Variants in KCNIP4 observed in about 807,000 individuals in gnomAD.
KCNIP4 encodes the protein potassium voltage-gated channel interacting protein 4.
KCNIP4 carries 12 observed loss-of-function variants against 34.0 expected under a neutral mutation model. That is an observed-to-expected ratio of 0.35 (90% confidence interval 0.23 to 0.57). The LOEUF (loss-of-function observed/expected upper bound fraction) is 0.57, where lower values mean the gene tolerates loss of function less well. Ranked by LOEUF, KCNIP4 falls within the 20% of genes least tolerant of loss-of-function variation. The pLI, the probability that KCNIP4 is intolerant of heterozygous loss-of-function variation, is 0.83. For synonymous variants in KCNIP4, 124 were observed against 102.2 expected, an observed-to-expected ratio of 1.21 and a Z score of -1.29; for missense variants, 238 against 311.7, an observed-to-expected ratio of 0.76 and a Z score of 1.78.
chr4:21,457,269 G>A (rs931152031), intron 1 of KCNIP4, among the ~76,000 whole-genome samples: 3 of 151,996 alleles, frequency 2.0e-5, no homozygotes, highest in Admixed American at 1.3e-4. Flanking sequence ...CAGAGCTCTG[G>A]GCTGTATTCC....
At chr4:21,830,446 G>A (rs1351394826) in intron 1 of KCNIP4, among the ~76,000 whole-genome samples, 8 of 152,044 alleles carry the variant, frequency 5.3e-5, no homozygotes, top group South Asian at 2.1e-4. Context: ...AGGCCGAGGC[G>A]GGCTGGATCA....
At chr4:21,252,129 G>GTTT (rs61183224) in intron 1 of KCNIP4, among the ~76,000 whole-genome samples, 6 of 112,880 alleles carry the variant, frequency 5.3e-5, no homozygotes, top group East Asian at 2.3e-4. Context: ...ATGAGGTTTT[G>GTTT]TTTTTTTTTT....
chr4:20,892,969 C>G (rs775137685), intron 1 of KCNIP4, among the ~76,000 whole-genome samples: 15 of 152,174 alleles, frequency 9.9e-5, no homozygotes, highest in Non-Finnish European at 2.1e-4. Context: ...TGGAAATTAT[C>G]TGGAGTTCCT....
chr4:21,467,073 A>AACACACACAC lies in KCNIP4; in HGVS notation c.61+481488_61+481497dup, dbSNP rs33937973. Among the ~76,000 whole-genome samples the AACACACACAC allele has an allele frequency of 5.1e-3, 714 of 139,750 alleles. 5 individuals carry two copies. Among genetic ancestry groups the AACACACACAC allele is most frequent in the East Asian group, 0.014 (66 of 4,770 alleles). The allele number at this position is 139,750 out of a possible 152,430, so 91.7% of individuals were successfully genotyped here. A position where few individuals can be genotyped will look rare whatever the true frequency, so the allele number is the denominator to read the frequency against. Reference sequence around the variant, plus strand: ...AACCAAACCAAACCAAACCAAAACAAACACACACACACACACACACACACA... The same window carrying AACACACACAC: ...AACCAAACCAAACCAAACCAAAACAAACACACACACACACACACACACACACACACACACA... On this transcript the variant is annotated intron_variant, in intron 1 of 8. Coordinates refer to ENST00000382152, the MANE Select transcript of KCNIP4 (RefSeq NM_025221.6).
chr4:21,217,013 C>T (rs978422493), intron 1 of KCNIP4, among the ~76,000 whole-genome samples: 2 of 152,166 alleles, frequency 1.3e-5, no homozygotes, highest in Non-Finnish European at 2.9e-5. Flanking sequence ...TCAATATTCA[C>T]TGAATGACTA....
intron 1 of KCNIP4, among the ~76,000 whole-genome samples, chr4:21,001,926 A>G (rs1024028246): frequency 1.4e-4 from 21 of 145,858 alleles, no homozygotes; most frequent in Admixed American, 9.2e-4. Context: ...TTCTTCAGAA[A>G]TAACTTTAGG....
At chr4:20,787,874 T>C (rs188202206) in intron 3 of KCNIP4, among the ~76,000 whole-genome samples, 1 of 152,172 alleles carries the variant, frequency 6.6e-6, no homozygotes, top group Admixed American at 6.5e-5. Flanking sequence ...TTTATAACTG[T>C]CTGAGTGTCC....
At chr4:21,689,326 T>A (rs1199563557) in intron 1 of KCNIP4, among the ~76,000 whole-genome samples, 1 of 152,180 alleles carries the variant, frequency 6.6e-6, no homozygotes, top group Non-Finnish European at 1.5e-5. Context: ...TAATAGAACA[T>A]CCTATAGATA....
At chr4:20,832,469 C>G (rs759611148) in intron 3 of KCNIP4, among the ~76,000 whole-genome samples, 7 of 152,242 alleles carry the variant, frequency 4.6e-5, no homozygotes, top group Admixed American at 1.3e-4. Context: ...CAGCAATTCC[C>G]TTGGCCTAAT....
intron 1 of KCNIP4, among the ~76,000 whole-genome samples, chr4:20,967,073 A>T (rs1034174483): frequency 2.6e-5 from 4 of 152,150 alleles, no homozygotes; most frequent in Non-Finnish European, 4.4e-5. Context: ...TTCTACAACT[A>T]AGTTCTAGTA....
chr4:21,690,692 C>T (rs1414701280), intron 1 of KCNIP4, among the ~76,000 whole-genome samples: 1 of 152,160 alleles, frequency 6.6e-6, no homozygotes, highest in Non-Finnish European at 1.5e-5. Flanking sequence ...CTCAGGTATT[C>T]CTTTACAGCA....
intron 1 of KCNIP4, among the ~76,000 whole-genome samples, chr4:21,791,051 G>A (rs1720252123): frequency 6.8e-6 from 1 of 146,120 alleles, no homozygotes; most frequent in Admixed American, 7.0e-5. Context: ...TGGTATCTTA[G>A]TTTAAGGGGC....
chr4:21,641,892 C>T (rs1324572331), intron 1 of KCNIP4, among the ~76,000 whole-genome samples: 2 of 152,184 alleles, frequency 1.3e-5, no homozygotes, highest in Non-Finnish European at 2.9e-5. Context: ...AAGACCAACA[C>T]TGAGTTCTCA....
intron 1 of KCNIP4, among the ~76,000 whole-genome samples, chr4:21,325,837 T>C (rs1171500388): frequency 2.6e-5 from 4 of 151,966 alleles, no homozygotes. Flanking sequence ...AATTTCCTTC[T>C]TAATTTCTTT....
At chr4:21,125,042 C>T (rs1750493861) in intron 1 of KCNIP4, among the ~76,000 whole-genome samples, 2 of 151,040 alleles carry the variant, frequency 1.3e-5, no homozygotes, top group African/African-American at 4.9e-5. Flanking sequence ...AATGATGCCT[C>T]TGCCCCTACC....
chr4:21,556,306 A>T (rs1297319417), intron 1 of KCNIP4, among the ~76,000 whole-genome samples: 1 of 152,122 alleles, frequency 6.6e-6, no homozygotes, highest in Non-Finnish European at 1.5e-5. Context: ...TAGGTACATG[A>T]TTCAGTTAAC....
At chr4:21,058,079 A>G (rs892965915) in intron 1 of KCNIP4, among the ~76,000 whole-genome samples, 2 of 152,190 alleles carry the variant, frequency 1.3e-5, no homozygotes, top group African/African-American at 2.4e-5. Context: ...GCCAGTATAT[A>G]TCTTAGGGCA....
chr4:21,191,482 GTA>G (rs1560796067), intron 1 of KCNIP4, among the ~76,000 whole-genome samples: 1 of 152,176 alleles, frequency 6.6e-6, no homozygotes, highest in African/African-American at 2.4e-5. Context: ...GGAGGGTGCT[GTA>G]TAATCATCAG....
At chr4:21,666,121 A>G (rs1431365591) in intron 1 of KCNIP4, among the ~76,000 whole-genome samples, 1 of 152,186 alleles carries the variant, frequency 6.6e-6, no homozygotes, top group Non-Finnish European at 1.5e-5. Context: ...ACTGGTGCCA[A>G]GTTAAGAAGT....
Sources: gnomAD v4.1 joint callset for allele counts (sites outside exome capture counted in the v4.1 genomes callset) on GRCh38, gnomAD v4.1.1 for gene constraint, MANE v1.5 for transcripts, NCBI Gene and HGNC (gene_info 2026-07-23, HGNC 2026-07-21) for gene names.